ALDH5A1: variants seen among roughly 807,000 people sequenced by gnomAD.
ALDH5A1 encodes succinate-semialdehyde dehydrogenase, mitochondrial.
ALDH5A1 carries 33 observed loss-of-function variants against 54.7 expected under a neutral mutation model. That is an observed-to-expected ratio of 0.60 (90% CI 0.46 to 0.81). The LOEUF is 0.81. Ranked by LOEUF, ALDH5A1 falls within the 30% of genes least tolerant of loss-of-function variation. The probability of loss-of-function intolerance (pLI) is 0.00; values close to 1 mark genes in which losing one functional copy is unlikely to be tolerated. For synonymous variants in ALDH5A1, 294 were observed against 292.7 expected (o/e 1.00, Z -0.05); for missense variants, 657 against 711.0 (o/e 0.92, Z 0.86).
At position 24,495,401 on chromosome 6, in the gene ALDH5A1, G is replaced by T. The variant is rs1191982698; in HGVS notation, c.354+51G>T. The T allele has an allele frequency of 6.0e-6, 9 of 1,507,052 alleles. No individual in the cohort carries two copies. The South Asian group carries it at 1.1e-4, about 18-fold the overall frequency. The allele number at this position is 1,507,052 out of a possible 1,614,324, so 93.4% of individuals were successfully genotyped here. A position where few individuals can be genotyped will look rare whatever the true frequency, so the allele number is the denominator to read the frequency against. ...CAGAGCTGGCCGGGGACACGGCGGG[G>T]AGCAGAGGGGGCTTTACCCCAAAGT... On this transcript the variant is annotated intron_variant, in intron 1 of 9. Coordinates refer to ENST00000357578, the MANE Select transcript of ALDH5A1 (RefSeq NM_001080.3).
intron 5 of ALDH5A1, among the ~76,000 whole-genome samples, chr6:24,517,351 A>G (rs930242785): frequency 3.3e-5 from 5 of 152,198 alleles, no homozygotes; most frequent in African/African-American, 1.2e-4. Context: ...CACTTTTGTC[A>G]TGCTATAAAC....
intron 5 of ALDH5A1, 93 bp from the exon 6 acceptor site, chr6:24,520,308 C>CT (rs1759654821): frequency 6.5e-7 from 1 of 1,527,672 alleles, no homozygotes; most frequent in Non-Finnish European, 9.0e-7. Flanking sequence ...GTGCACCTTG[C>CT]TTTTTTCACC....
chr6:24,495,190 T>G lies in ALDH5A1; in HGVS notation c.194T>G (p.Val65Gly), dbSNP rs1315501856. Residue 65 changes from valine to glycine, a missense_variant, in exon 1 of 10, where the codon GTG (valine) becomes GGG (glycine). By Grantham distance (109) the Val-to-Gly change is moderately radical. This residue lies in a region of ALDH5A1 where 232 missense variants were observed against 194.6 expected (regional missense o/e 1.19). Coordinates refer to ENST00000357578, the MANE Select transcript of ALDH5A1 (RefSeq NM_001080.3). ...SAALLRTDSF[V>G]GGRWLPAAAT... ...GCGCTGCTGCGCACCGACAGCTTCG[T>G]GGGCGGCCGCTGGCTCCCGGCCGCC... The G allele has an allele frequency of 6.6e-7, 1 of 1,504,026 alleles. No individual in the cohort carries two copies. Among genetic ancestry groups the G allele is most frequent in the Non-Finnish European group, 8.8e-7 (1 of 1,134,174 alleles). The allele number at this position is 1,504,026 out of a possible 1,614,324, so 93.2% of individuals were successfully genotyped here. A position where few individuals can be genotyped will look rare whatever the true frequency, so the allele number is the denominator to read the frequency against.
chr6:24,520,567 G>C, intron 6 of ALDH5A1, 23 bp downstream of exon 6: 2 of 1,613,602 alleles, frequency 1.2e-6, no homozygotes, highest in Non-Finnish European at 1.7e-6. Context: ...GAGTATTTCA[G>C]GATGTGTGTT....
chr6:24,506,273 T>TTTTTTTTTTG lies in ALDH5A1; in HGVS notation c.726+1288_726+1289insTTTTTTTTTG, dbSNP rs1390825941. Among the ~76,000 whole-genome samples the TTTTTTTTTTG allele has an allele frequency of 5.7e-5, 6 of 105,026 alleles. 2 individuals carry two copies. The highest frequency in any genetic ancestry group is 5.6e-4 in the East Asian group (2 of 3,596). 68.9% of individuals were successfully genotyped at this position (105,026 alleles called of 152,430 possible). A position where few individuals can be genotyped will look rare whatever the true frequency, so the allele number is the denominator to read the frequency against. ...TTTTTTTTTTTTTTTTTTTTTTTTT[T>TTTTTTTTTTG]GAGACAGTCTCGCTCTGTCACCCAG... On this transcript the variant is annotated intron_variant, in intron 4 of 9. Transcript: ENST00000357578.
chr6:24,523,194 G>A (rs1759736903), intron 7 of ALDH5A1, among the ~76,000 whole-genome samples: 1 of 152,066 alleles, frequency 6.6e-6, no homozygotes, highest in Admixed American at 6.6e-5. Flanking sequence ...CAATGTTTGA[G>A]GCGATAGATG....
At chr6:24,510,736 G>T (rs545396243) in intron 4 of ALDH5A1, among the ~76,000 whole-genome samples, 149 of 152,266 alleles carry the variant, frequency 9.8e-4, no homozygotes, top group African/African-American at 3.3e-3. Flanking sequence ...CAGAAAGTTG[G>T]TTGGTGAACT....
rs1224797369 is a variant in ALDH5A1 at position 24,495,042 on chromosome 6, G to C, written c.46G>C (p.Gly16Arg). The C allele has an allele frequency of 3.5e-5, 48 of 1,354,548 alleles. No individual in the cohort carries two copies. The highest frequency in any genetic ancestry group is 4.5e-5 in the Non-Finnish European group (47 of 1,056,086). 83.9% of individuals were successfully genotyped at this position (1,354,548 alleles called of 1,614,324 possible). A position where few individuals can be genotyped will look rare whatever the true frequency, so the allele number is the denominator to read the frequency against. The change falls in exon 1 of 10, where the codon GGG becomes CGG. Residue 16 changes from glycine (G) to arginine (R), a missense_variant. Transcript: ENST00000357578. ...WLRSCGARRL[G>R]STFPGCRLRP... is the part of the protein sequence containing the mutation. ...GCGGAGCTGTGGGGCCCGGCGCCTC[G>C]GGTCGACGTTTCCAGGCTGCCGCCT...
intron 4 of ALDH5A1, among the ~76,000 whole-genome samples, chr6:24,507,445 T>C (rs1362048459): frequency 2.0e-5 from 3 of 151,508 alleles, no homozygotes; most frequent in African/African-American, 7.3e-5. Flanking sequence ...TTTTTTTACC[T>C]AGATACACAA....
chr6:24,498,124 C>CA (rs1764748602), intron 1 of ALDH5A1, among the ~76,000 whole-genome samples: 1 of 152,012 alleles, frequency 6.6e-6, no homozygotes, highest in Non-Finnish European at 1.5e-5. Flanking sequence ...TTGGCCTGAG[C>CA]AATTGGAAGG....
rs776791710 is a variant in ALDH5A1, at chr6:24,495,179, C to G, written c.183C>G (p.Thr61=). 9.1e-5 allele frequency: 137 copies of G among 1,500,026 alleles called. No individual in the cohort carries two copies. The African/African-American group carries it at 1.6e-3, about 18-fold the overall frequency. 92.9% of individuals were successfully genotyped at this position (1,500,026 alleles called of 1,614,324 possible). The change falls in exon 1 of 10, where the codon ACC becomes ACG. Residue 61 remains threonine, a synonymous_variant. Transcript: ENST00000357578. ...LAGLSAALLR[T]DSFVGGRWLP... is the part of the protein sequence containing the mutation. ...GCCTCTCTGCGGCGCTGCTGCGCAC[C>G]GACAGCTTCGTGGGCGGCCGCTGGC...
At position 24,501,186 on chromosome 6, in the gene ALDH5A1, A is replaced by G. The variant is rs541986097; in HGVS notation, c.355-1337A>G. Among the ~76,000 whole-genome samples the G allele has an allele frequency of 3.3e-5, 5 of 152,360 alleles. No individual in the cohort carries two copies. In the East Asian group the frequency reaches 7.7e-4, roughly 23 times the overall value. On this transcript the variant is annotated intron_variant, in intron 1 of 9. Coordinates refer to ENST00000357578, the MANE Select transcript of ALDH5A1 (RefSeq NM_001080.3). ...AACTTGGTAGTCTAAGTGTTTAGCT[A>G]TCAAGCCGGATTCCTTAGTAGACCA...
At chr6:24,511,919 T>G in intron 4 of ALDH5A1, 1 of 576,308 alleles carries the variant, frequency 1.7e-6, no homozygotes, top group Non-Finnish European at 3.2e-6. Context: ...TTTTTTCATA[T>G]TATCAGAGTT....
At chr6:24,519,685 C>T (rs906210092) in intron 5 of ALDH5A1, among the ~76,000 whole-genome samples, 5 of 151,182 alleles carry the variant, frequency 3.3e-5, no homozygotes, top group African/African-American at 1.2e-4. Context: ...GATAGACGTC[C>T]CAAATATGTG....
chr6:24,504,009 CCT>C (rs1759265747), intron 3 of ALDH5A1, among the ~76,000 whole-genome samples: 2 of 152,162 alleles, frequency 1.3e-5, no homozygotes, highest in African/African-American at 4.8e-5. Flanking sequence ...CCCATATTAA[CCT>C]CTCTCCTGTA....
chr6:24,529,908 G>C (rs1759896233), intron 8 of ALDH5A1, among the ~76,000 whole-genome samples: 1 of 152,090 alleles, frequency 6.6e-6, no homozygotes, highest in Non-Finnish European at 1.5e-5. Context: ...CTGACCTCAA[G>C]TGATCCACCC....
chr6:24,507,775 A>C (rs1759386632), intron 4 of ALDH5A1, among the ~76,000 whole-genome samples: 1 of 151,718 alleles, frequency 6.6e-6, no homozygotes, highest in Admixed American at 6.6e-5. Context: ...GTCTGATTTT[A>C]TTTTTATTTT....
At chr6:24,520,301 C>A in intron 5 of ALDH5A1, 100 bp from the exon 6 acceptor site, 1 of 1,371,140 alleles carries the variant, frequency 7.3e-7, no homozygotes, top group Non-Finnish European at 1.0e-6. Flanking sequence ...CACCACTGTG[C>A]ACCTTGCTTT....
Position 24,534,026 on chromosome 6 carries a change from G to T in ALDH5A1, c.*314G>T. On this transcript the variant is annotated 3_prime_UTR_variant, in exon 10 of 10. Coordinates refer to ENST00000357578, the MANE Select transcript of ALDH5A1 (RefSeq NM_001080.3). ...CAGCACAAGGCAGGCCCAGCCCCAT[G>T]GGCCGTCACAAAGGCTTGATCACTG... 2.9e-6 allele frequency: 1 copy of T among 348,718 alleles called. No homozygotes were observed. The highest frequency in any genetic ancestry group is 5.5e-6 in the Non-Finnish European group (1 of 183,164). The allele number at this position is 348,718 out of a possible 1,614,324, so 21.6% of individuals were successfully genotyped here.
Sources: allele counts gnomAD v4.1 joint callset (sites outside exome capture counted in the v4.1 genomes callset), GRCh38; gene constraint gnomAD v4.1.1; regional missense constraint gnomAD v4.1.1; transcripts MANE v1.5; gene names NCBI Gene and HGNC (gene_info 2026-07-23, HGNC 2026-07-21).